The following ING4 variants were observed in gnomAD, a reference collection of about 807,000 sequenced individuals.
ING4 encodes the protein inhibitor of growth family member 4.
ING4 carries 28 observed loss-of-function variants against 33.1 expected under a neutral mutation model. The observed-to-expected ratio is 0.85, with a 90% CI of 0.63 to 1.16. The LOEUF (loss-of-function observed/expected upper bound fraction) is 1.16. Among genes scored for constraint, ING4 ranks in the 50% most tolerant of loss-of-function variants. ING4 has a pLI of 0.00. For missense variants in ING4, 247 were observed against 314.7 expected, an observed-to-expected ratio of 0.78 and a Z score of 1.63; for synonymous variants, 87 against 104.4, an observed-to-expected ratio of 0.83 and a Z score of 1.02.
chr12:6,653,987 A>C (rs980429569), intron 2 of ING4, among the ~76,000 whole-genome samples: 19 of 152,124 alleles, frequency 1.2e-4, no homozygotes, highest in Admixed American at 8.5e-4. Context: ...CTCAGGCACC[A>C]CCACGCCTGG....
At chr12:6,652,016 T>C (rs1949197640) in intron 6 of ING4, among the ~76,000 whole-genome samples, 1 of 151,872 alleles carries the variant, frequency 6.6e-6, no homozygotes, top group East Asian at 1.9e-4. Context: ...TGTGCCACTA[T>C]GCTCAGCTAA....
At chr12:6,659,821 A>G (rs1592332075) in intron 1 of ING4, among the ~76,000 whole-genome samples, 2 of 151,868 alleles carry the variant, frequency 1.3e-5, no homozygotes, top group South Asian at 4.2e-4. Flanking sequence ...TCAAAAAAAA[A>G]AAAAAAAAAT....
At chr12:6,662,781 C>T (rs1472599740) in intron 1 of ING4, among the ~76,000 whole-genome samples, 2 of 151,980 alleles carry the variant, frequency 1.3e-5, no homozygotes, top group Non-Finnish European at 2.9e-5. Flanking sequence ...GGCTGGAGAC[C>T]CTGGAGAATG....
intron 1 of ING4, among the ~76,000 whole-genome samples, chr12:6,658,650 C>T (rs1949449331): frequency 6.6e-6 from 1 of 152,182 alleles, no homozygotes; most frequent in Non-Finnish European, 1.5e-5. Flanking sequence ...CACGCCAATG[C>T]ACTCCAGCCT....
At position 6,652,922 on chromosome 12, in the gene ING4, C is replaced by T. The variant is rs758814963; in HGVS notation, c.391+14G>A. 1.2e-5 allele frequency: 20 copies of T among 1,604,546 alleles called. No homozygotes were observed. The highest frequency in any genetic ancestry group is 3.3e-5 in the Admixed American group (2 of 59,988). ...GTCCTCGCCCCACCTCTCACAGCCCCGCCCCCTCCTCACTCTTTTTGCCTT... is the reference window on the plus strand; with the variant it reads ...GTCCTCGCCCCACCTCTCACAGCCCTGCCCCCTCCTCACTCTTTTTGCCTT... On this transcript the variant is annotated intron_variant, in intron 4 of 7. Coordinates refer to ENST00000341550, the MANE Select transcript of ING4 (RefSeq NM_016162.4).
At chr12:6,655,621 A>G (rs534197148) in intron 2 of ING4, 57 of 1,128,496 alleles carry the variant, frequency 5.1e-5, no homozygotes, top group Non-Finnish European at 6.1e-5. Flanking sequence ...TTACAAAAAA[A>G]GCAATCTGGT....
At chr12:6,652,230 G>A (rs774512004) in intron 6 of ING4, 41 bp downstream of exon 6, 7 of 1,600,890 alleles carry the variant, frequency 4.4e-6, no homozygotes, top group Middle Eastern at 1.7e-4. Context: ...CTCCCTTCAT[G>A]CCCCTCACAA....
intron 1 of ING4, among the ~76,000 whole-genome samples, chr12:6,657,249 AC>A (rs1949388422): frequency 6.6e-6 from 1 of 152,052 alleles, no homozygotes; most frequent in South Asian, 2.1e-4. Context: ...GGAGATTGAG[AC>A]CATCCTGGCT....
At chr12:6,659,851 T>C (rs1949492816) in intron 1 of ING4, among the ~76,000 whole-genome samples, 1 of 150,296 alleles carries the variant, frequency 6.7e-6, no homozygotes, top group Admixed American at 6.6e-5. Context: ...TGGTGGCCTG[T>C]GGCTGTAGTT....
In ING4 at chr12:6,651,143, A is replaced by C; in HGVS notation, c.*52T>G. On this transcript the variant is annotated 3_prime_UTR_variant, in exon 8 of 8. Coordinates refer to ENST00000341550, the MANE Select transcript of ING4 (RefSeq NM_016162.4). ...CAGCACAGGCATTCCTCTGCCCACTAGCCCAAGTCAGGGGATGTGGAAGAA... is the reference window on the plus strand; with the variant it reads ...CAGCACAGGCATTCCTCTGCCCACTCGCCCAAGTCAGGGGATGTGGAAGAA... The C allele has an allele frequency of 1.9e-6, 3 of 1,599,364 alleles. No individual in the cohort carries two copies. Among genetic ancestry groups the C allele is most frequent in the Non-Finnish European group, 1.7e-6 (2 of 1,166,780 alleles).
Position 6,652,994 on chromosome 12 carries a change from G to C in ING4, c.333C>G (p.Leu111=), listed in dbSNP as rs1270194193. The change falls in exon 4 of 8, where the codon CTC becomes CTG. Residue 111 remains leucine, a synonymous_variant. Transcript: ENST00000341550. ...DTDLARFEAD[L]KEKQIESSDY... ...CACTTGACTCAATCTGTTTCTCCTTGAGATCAGCCTCAAAACGGGCCAGGT... is the reference window on the plus strand; with the variant it reads ...CACTTGACTCAATCTGTTTCTCCTTCAGATCAGCCTCAAAACGGGCCAGGT... The C allele has an allele frequency of 2.7e-5, 44 of 1,613,730 alleles. No homozygotes were observed. Among genetic ancestry groups the C allele is most frequent in the Non-Finnish European group, 3.4e-5 (40 of 1,180,020 alleles).
chr12:6,651,010 C>G lies in ING4; in HGVS notation c.*185G>C. On this transcript the variant is annotated 3_prime_UTR_variant, in exon 8 of 8. Coordinates refer to ENST00000341550, the MANE Select transcript of ING4 (RefSeq NM_016162.4). ...GAGCACATACCGTTAGTGGCTGCGG[C>G]ACCCCTCCCTACCAGGGTCTGATGC... 1 of 669,124 alleles carries G rather than the reference C, an allele frequency of 1.5e-6. No individual in the cohort carries two copies. 41.4% of individuals were successfully genotyped at this position (669,124 alleles called of 1,614,324 possible).
rs143207314 is a variant in ING4 at position 6,651,891 on chromosome 12, C to T, written c.645+380G>A. Among the ~76,000 whole-genome samples, 506 of 127,184 alleles carry T rather than the reference C, an allele frequency of 4.0e-3. 3 individuals carry two copies. Among genetic ancestry groups the T allele is most frequent in the African/African-American group, 0.014 (463 of 32,826 alleles). The allele number at this position is 127,184 out of a possible 152,430, so 83.4% of individuals were successfully genotyped here. On this transcript the variant is annotated intron_variant, in intron 6 of 7. Transcript: ENST00000341550. ...TTTTGAGACAGAGTCTTGCTCTTGT[C>T]GCCCAGGTTAGAGTGTGGTGGCGTG...
chr12:6,661,288 G>A (rs566053819), intron 1 of ING4, among the ~76,000 whole-genome samples: 1 of 151,746 alleles, frequency 6.6e-6, no homozygotes, highest in East Asian at 1.9e-4. Flanking sequence ...AGTAGAGACG[G>A]GGTTTCACCA....
At chr12:6,652,563 G>A (rs1405885454) in intron 5 of ING4, 99 bp downstream of exon 5, 13 of 1,372,890 alleles carry the variant, frequency 9.5e-6, no homozygotes, top group South Asian at 4.9e-5. Context: ...AGTTCTTGGC[G>A]CAGACATATA....
chr12:6,652,928 C>T lies in ING4; in HGVS notation c.391+8G>A. On this transcript the variant is annotated splice_region_variant and intron_variant, in intron 4 of 7. Transcript: ENST00000341550. ...GCCCCACCTCTCACAGCCCCGCCCCCTCCTCACTCTTTTTGCCTTTGCTGG... is the reference window on the plus strand; with the variant it reads ...GCCCCACCTCTCACAGCCCCGCCCCTTCCTCACTCTTTTTGCCTTTGCTGG... The T allele has an allele frequency of 6.2e-7, 1 of 1,609,730 alleles. No homozygotes were observed. The highest frequency in any genetic ancestry group is 8.5e-7 in the Non-Finnish European group (1 of 1,176,106).
chr12:6,654,400 A>G (rs144116100), intron 2 of ING4, among the ~76,000 whole-genome samples: 1,987 of 148,912 alleles, frequency 0.013, 28 homozygotes, highest in Non-Finnish European at 0.021. Flanking sequence ...TGGCATGATC[A>G]TGGATCACAC....
At chr12:6,654,696 C>T (rs1192564394) in intron 2 of ING4, among the ~76,000 whole-genome samples, 2 of 151,812 alleles carry the variant, frequency 1.3e-5, no homozygotes, top group Admixed American at 6.6e-5. Flanking sequence ...TTCTTTTTTT[C>T]CTGTTTGTCC....
chr12:6,652,397 G>A lies in ING4; in HGVS notation c.519C>T (p.Pro173=), dbSNP rs146347929. The change falls in exon 6 of 8, where the codon CCC becomes CCT. Residue 173 remains proline (P), a synonymous_variant. Coordinates refer to ENST00000341550, the MANE Select transcript of ING4 (RefSeq NM_016162.4). ...GGTGGACACTGCCAAAGGTCACTGAGGGCATCCCATACTCAGGACTTCTGC... is the reference window on the plus strand; with the variant it reads ...GGTGGACACTGCCAAAGGTCACTGAAGGCATCCCATACTCAGGACTTCTGC... ...LVRTSPEYGM[P]SVTFGSVHPS... is the part of the protein sequence containing the mutation. The A allele has an allele frequency of 4.5e-4, 722 of 1,614,084 alleles. No individual in the cohort carries two copies. The highest frequency in any genetic ancestry group is 5.5e-4 in the Non-Finnish European group (654 of 1,180,000).
Sources: gnomAD v4.1 joint callset for allele counts (sites outside exome capture counted in the v4.1 genomes callset) on GRCh38, gnomAD v4.1.1 for gene constraint, MANE v1.5 for transcripts, NCBI Gene and HGNC (gene_info 2026-07-23, HGNC 2026-07-21) for gene names.